ZNF638: variants seen among roughly 807,000 people sequenced by gnomAD.
The protein encoded by ZNF638 is zinc finger protein 638.
A neutral mutation model predicts 195.6 loss-of-function variants in ZNF638; 46 were observed. The ratio of observed to expected loss-of-function variants is 0.24; its 90% confidence interval spans 0.19 to 0.30. The LOEUF is 0.30. Among genes scored for constraint, ZNF638 ranks in the 10% least tolerant of loss-of-function variants. The pLI is 1.00. For synonymous variants in ZNF638, 845 were observed against 772.0 expected, an observed-to-expected ratio of 1.09 and a Z score of -1.57; for missense variants, 2,440 against 2,325.3, an observed-to-expected ratio of 1.05 and a Z score of -1.01.
intron 10 of ZNF638, among the ~76,000 whole-genome samples, chr2:71,389,702 A>T (rs1257587515): frequency 6.6e-6 from 1 of 152,220 alleles, no homozygotes; most frequent in Non-Finnish European, 1.5e-5. Context: ...CGAAAGCGGA[A>T]GTTCAACAAG....
chr2:71,369,858 A>G, intron 7 of ZNF638, 25 bp from the exon 8 acceptor site: 1 of 1,556,776 alleles, frequency 6.4e-7, no homozygotes, highest in Non-Finnish European at 8.6e-7. Context: ...ATTTGTGACT[A>G]AAGATGGAAT....
chr2:71,354,340 T>A (rs2078988190), intron 2 of ZNF638, among the ~76,000 whole-genome samples: 1 of 87,502 alleles, frequency 1.1e-5, no homozygotes, highest in South Asian at 4.5e-4. Flanking sequence ...TAAACTGTAT[T>A]GGCTTTTTTT....
intron 8 of ZNF638, among the ~76,000 whole-genome samples, chr2:71,373,713 C>T (rs776153059): frequency 7.3e-5 from 11 of 151,438 alleles, no homozygotes; most frequent in South Asian, 2.1e-4. Context: ...CCACCTCGCC[C>T]GGCCAAGTTT....
In ZNF638 at chr2:71,401,934, G is replaced by A. The variant is rs369756824; in HGVS notation, c.2698-22G>A. On this transcript the variant is annotated intron_variant, in intron 15 of 27. Transcript: ENST00000264447. ...TGAAACAAAGAAATTTTAATAACAG[G>A]TTTTAAAAATTTGTTTTGAAGGAAA... 4.7e-4 allele frequency: 721 copies of A among 1,541,842 alleles called. 1 individual carries two copies. The highest frequency in any genetic ancestry group is 5.7e-4 in the Non-Finnish European group (652 of 1,143,188).
At chr2:71,394,869 C>T (rs1352101029) in intron 10 of ZNF638, among the ~76,000 whole-genome samples, 1 of 152,186 alleles carries the variant, frequency 6.6e-6, no homozygotes, top group Non-Finnish European at 1.5e-5. Context: ...GGTTCTTGCA[C>T]ATCTGCAAGC....
At chr2:71,342,833 A>G (rs1330448982) in intron 1 of ZNF638, among the ~76,000 whole-genome samples, 2 of 152,176 alleles carry the variant, frequency 1.3e-5, no homozygotes, top group South Asian at 2.1e-4. Context: ...GACGTCTATC[A>G]AATAGTCCTG....
At position 71,349,277 on chromosome 2, in the gene ZNF638, C is replaced by T. The variant is rs755513799; in HGVS notation, c.323C>T (p.Pro108Leu). 1 of 1,614,106 alleles carries T rather than the reference C, an allele frequency of 6.2e-7. No homozygotes were observed. The highest frequency in any genetic ancestry group is 1.1e-5 in the South Asian group (1 of 91,074). Reference sequence around the variant, plus strand: ...CATGGTAGCCGGTGGGATGATGAGCCTCATATATCTGCATCAGTGGCAGTG... The same window carrying T: ...CATGGTAGCCGGTGGGATGATGAGCTTCATATATCTGCATCAGTGGCAGTG... ...KPHGSRWDDEPHISASVAVKQ... is the reference protein window; with the variant it reads ...KPHGSRWDDELHISASVAVKQ... The change falls in exon 2 of 28, where the codon CCT becomes CTT. Residue 108 changes from proline (P) to leucine (L), a missense_variant. Coordinates refer to ENST00000264447, the MANE Select transcript of ZNF638 (RefSeq NM_014497.5).
chr2:71,417,826 T>G (rs1409912445), intron 20 of ZNF638, among the ~76,000 whole-genome samples: 1 of 152,214 alleles, frequency 6.6e-6, no homozygotes, highest in African/African-American at 2.4e-5. Context: ...GTCTTTACTG[T>G]TGGACTCAAA....
At chr2:71,336,485 C>T (rs1175862859) in intron 1 of ZNF638, among the ~76,000 whole-genome samples, 5 of 151,022 alleles carry the variant, frequency 3.3e-5, no homozygotes, top group Non-Finnish European at 7.4e-5. Context: ...AAGCAATTAA[C>T]TCCTATGTCT....
At chr2:71,357,543 A>T (rs993761869) in intron 3 of ZNF638, among the ~76,000 whole-genome samples, 1 of 152,300 alleles carries the variant, frequency 6.6e-6, no homozygotes, top group East Asian at 1.9e-4. Flanking sequence ...GTGAATTTTT[A>T]GTTGGATGGG....
intron 18 of ZNF638, 104 bp from the exon 19 acceptor site, chr2:71,406,024 G>A: frequency 7.4e-7 from 1 of 1,349,228 alleles, no homozygotes; most frequent in Non-Finnish European, 1.0e-6. Flanking sequence ...ACTCTTGGGA[G>A]AGAACATCAT....
chr2:71,408,737 A>C (rs1007601445), intron 20 of ZNF638: 3 of 455,346 alleles, frequency 6.6e-6, no homozygotes, highest in Non-Finnish European at 1.3e-5. Context: ...ATTCAAACTC[A>C]ATCTATTTTC....
intron 3 of ZNF638, 37 bp downstream of exon 3, chr2:71,355,817 T>C: frequency 7.8e-7 from 1 of 1,286,472 alleles, no homozygotes. Flanking sequence ...AGATAGCATA[T>C]TTACAAAATA....
At chr2:71,369,809 A>C (rs1414192472) in intron 7 of ZNF638, 74 bp from the exon 8 acceptor site, 28 of 1,442,792 alleles carry the variant, frequency 1.9e-5, no homozygotes, top group Non-Finnish European at 2.6e-5. Context: ...AAAAGAAAGG[A>C]TTAAGCCCAT....
chr2:71,403,702 A>T, intron 16 of ZNF638, 168 bp from the exon 17 acceptor site: 1 of 444,872 alleles, frequency 2.2e-6, no homozygotes, highest in African/African-American at 2.0e-5. Flanking sequence ...TAATATTCTT[A>T]GTCTTTGGGC....
chr2:71,408,705 A>G (rs1188955123), intron 20 of ZNF638: 1 of 447,294 alleles, frequency 2.2e-6, no homozygotes, highest in Non-Finnish European at 4.5e-6. Flanking sequence ...AGCTATGGAT[A>G]GTCCACCTTT....
Position 71,349,110 on chromosome 2 carries a change from A to T in ZNF638, c.156A>T (p.Pro52=). The T allele has an allele frequency of 6.8e-6, 11 of 1,614,212 alleles. No individual in the cohort carries two copies. Among genetic ancestry groups the T allele is most frequent in the Non-Finnish European group, 9.3e-6 (11 of 1,180,042 alleles). The change falls in exon 2 of 28, where the codon CCA becomes CCT. Residue 52 remains proline (P), a synonymous_variant. Transcript: ENST00000264447. ...FYPAGRARGI[P]HRFAGHESYQ... is the part of the protein sequence containing the mutation. ...CAGCAGGGAGAGCACGTGGAATTCC[A>T]CACAGATTTGCTGGCCATGAATCTT...
chr2:71,341,673 AGTT>A (rs1348902490), intron 1 of ZNF638: 1 of 152,226 alleles, frequency 6.6e-6, no homozygotes, highest in African/African-American at 2.4e-5. Context: ...ACAAGTTAAT[AGTT>A]AAGAACCCTG....
At chr2:71,356,014 A>G (rs2079017038) in intron 3 of ZNF638, among the ~76,000 whole-genome samples, 1 of 152,132 alleles carries the variant, frequency 6.6e-6, no homozygotes, top group South Asian at 2.1e-4. Flanking sequence ...TAAACTTTTT[A>G]TGTCATTAGT....
Sources: gnomAD v4.1 joint callset for allele counts (sites outside exome capture counted in the v4.1 genomes callset) on GRCh38, gnomAD v4.1.1 for gene constraint, MANE v1.5 for transcripts, NCBI Gene and HGNC (gene_info 2026-07-23, HGNC 2026-07-21) for gene names.